Variants in PRELID2 observed in about 807,000 individuals in gnomAD.
PRELID2 encodes PRELI domain containing 2, also known as PRELI domain-containing protein 2.
PRELID2 carries 25 observed loss-of-function variants against 28.4 expected under a neutral mutation model. The ratio of observed to expected loss-of-function variants is 0.88; its 90% confidence interval spans 0.64 to 1.23. The LOEUF is 1.23. Ranked by LOEUF, PRELID2 falls within the 50% of genes most tolerant of loss-of-function variation. The pLI, the probability that PRELID2 is intolerant of heterozygous loss-of-function variation, is 0.00. For missense variants in PRELID2, 201 were observed against 214.4 expected (o/e 0.94, Z 0.39); for synonymous variants, 76 against 71.6 (o/e 1.06, Z -0.31).
chr5:145,545,567 C>T (rs1302182051), intron 1 of PRELID2, among the ~76,000 whole-genome samples: 1 of 152,106 alleles, frequency 6.6e-6, no homozygotes, highest in Non-Finnish European at 1.5e-5. Context: ...CATTCCTCCA[C>T]TCTTTTTTTG....
the PRELID2 span, among the ~76,000 whole-genome samples, chr5:145,337,686 A>AATATATATATATATATATAT: frequency 2.5e-5 from 2 of 79,868 alleles, no homozygotes; most frequent in African/African-American, 5.0e-5. Flanking sequence ...GCATAGGGCA[A>AATATATATATATATATATAT]ATATATATAT....
Position 145,766,956 on chromosome 5 carries a change from G to C in PRELID2, c.475-1956C>G, listed in dbSNP as rs927150550. On this transcript the variant is annotated intron_variant, in intron 5 of 6. Transcript: ENST00000683046. Reference sequence around the variant, plus strand: ...AAGTCTCAGGCCTGAGTCTGTATGTGTGTAACATACTTCATGTTGATAAGG... The same window carrying C: ...AAGTCTCAGGCCTGAGTCTGTATGTCTGTAACATACTTCATGTTGATAAGG... Among the ~76,000 whole-genome samples the C allele has an allele frequency of 4.8e-4, 73 of 152,156 alleles. 1 individual carries two copies.
chr5:145,752,741 G>C (rs58973199), downstream of PRELID2, among the ~76,000 whole-genome samples: 3,914 of 152,152 alleles, frequency 0.026, 137 homozygotes, highest in East Asian at 0.093. Context: ...TATATTTTGG[G>C]GTGATTCATT....
chr5:145,826,931 CA>C lies in PRELID2; in HGVS notation c.76-3798del, dbSNP rs1755232850. Among the ~76,000 whole-genome samples the C allele has an allele frequency of 2.6e-5, 4 of 152,236 alleles. No homozygotes were observed. In the South Asian group the frequency reaches 6.2e-4, roughly 24 times the overall value. ...TAAAATATGAACTTTCCAAAAAGCT[CA>C]AAAGCCAATGCCTTTTTTTAATAAC... On this transcript the variant is annotated intron_variant, in intron 1 of 6. Transcript: ENST00000683046.
intron 1 of PRELID2, among the ~76,000 whole-genome samples, chr5:145,567,759 C>T (rs1752980177): frequency 6.6e-6 from 1 of 152,076 alleles, no homozygotes; most frequent in South Asian, 2.1e-4. Flanking sequence ...TTCTTACTAC[C>T]CCTTTGCCTT....
At chr5:145,607,061 T>G (rs919654665) in intron 1 of PRELID2, among the ~76,000 whole-genome samples, 1 of 152,126 alleles carries the variant, frequency 6.6e-6, no homozygotes, top group Non-Finnish European at 1.5e-5. Flanking sequence ...TGAGAGATTT[T>G]TATATTTCTG....
the PRELID2 span, among the ~76,000 whole-genome samples, chr5:145,416,661 A>C: frequency 6.6e-6 from 1 of 152,170 alleles, no homozygotes; most frequent in Non-Finnish European, 1.5e-5. Context: ...ATTAAGAGGA[A>C]AATTTATAGC....
At chr5:145,392,898 A>G in the PRELID2 span, among the ~76,000 whole-genome samples, 113 of 152,292 alleles carry the variant, frequency 7.4e-4, no homozygotes, top group Admixed American at 1.7e-3. Flanking sequence ...TTGTCCAGTG[A>G]CATAGTCTGA....
intron 1 of PRELID2, among the ~76,000 whole-genome samples, chr5:145,564,760 A>C (rs1385831925): frequency 6.6e-6 from 1 of 152,222 alleles, no homozygotes; most frequent in Non-Finnish European, 1.5e-5. Flanking sequence ...TGGAAGAAAT[A>C]AATAAAAGAT....
chr5:145,278,320 G>C, the PRELID2 span, among the ~76,000 whole-genome samples: 1 of 152,160 alleles, frequency 6.6e-6, no homozygotes, highest in Non-Finnish European at 1.5e-5. Flanking sequence ...CTGTATATCA[G>C]TAGTCCAAGC....
chr5:145,245,485 T>C, the PRELID2 span, among the ~76,000 whole-genome samples: 2 of 151,938 alleles, frequency 1.3e-5, no homozygotes, highest in African/African-American at 4.8e-5. Context: ...TGTGAGAACT[T>C]TGACGTGGTT....
At chr5:145,503,910 C>A (rs1752382277) in intron 1 of PRELID2, among the ~76,000 whole-genome samples, 1 of 152,150 alleles carries the variant, frequency 6.6e-6, no homozygotes. Flanking sequence ...AAAGAAGGAA[C>A]TGGGAACCTC....
At chr5:145,307,734 A>G in the PRELID2 span, among the ~76,000 whole-genome samples, 20 of 152,088 alleles carry the variant, frequency 1.3e-4, no homozygotes, top group African/African-American at 4.6e-4. Flanking sequence ...AACAGCAGCC[A>G]TGTCTCCTTA....
At chr5:145,278,969 C>T in the PRELID2 span, among the ~76,000 whole-genome samples, 1 of 152,098 alleles carries the variant, frequency 6.6e-6, no homozygotes. Context: ...TGACCCCGAA[C>T]AAAAACACTG....
rs982820508 is a variant in PRELID2 at position 145,597,146 on chromosome 5, G to A, written n.71-123831C>T. 2.6e-4 allele frequency among the ~76,000 whole-genome samples: 39 copies of A among 152,120 alleles called. 1 individual carries two copies. The highest frequency in any genetic ancestry group is 4.4e-4 in the Non-Finnish European group (30 of 68,014). ...ATTAAATAACTGAATTTTTAGCAAA[G>A]ATTTCTAGATCTGAGAAAATTTATG... is the stretch of plus-strand genomic sequence containing the variant. On this transcript the variant is annotated intron_variant and non_coding_transcript_variant, in intron 1 of 2. Coordinates refer to the PRELID2 transcript ENST00000510259.
At chr5:145,354,281 T>G in the PRELID2 span, among the ~76,000 whole-genome samples, 1 of 152,276 alleles carries the variant, frequency 6.6e-6, no homozygotes, top group South Asian at 2.1e-4. Context: ...CCCACTGTGT[T>G]TCTCATAATA....
chr5:145,238,015 G>T, the PRELID2 span, among the ~76,000 whole-genome samples: 1 of 152,066 alleles, frequency 6.6e-6, no homozygotes, highest in Non-Finnish European at 1.5e-5. Flanking sequence ...ATTTCATGTG[G>T]TAATCAGGCA....
At chr5:145,483,558 G>A (rs1752185878) in intron 1 of PRELID2, among the ~76,000 whole-genome samples, 1 of 152,180 alleles carries the variant, frequency 6.6e-6, no homozygotes, top group Admixed American at 6.5e-5. Context: ...CTTTGGCTTG[G>A]TTATACAGCA....
chr5:145,276,201 C>T, the PRELID2 span, among the ~76,000 whole-genome samples: 11 of 152,098 alleles, frequency 7.2e-5, no homozygotes, highest in Non-Finnish European at 1.3e-4. Flanking sequence ...CTTTAAAAGA[C>T]CTTTTAAGCA....
Sources: allele counts gnomAD v4.1 joint callset (sites outside exome capture counted in the v4.1 genomes callset), GRCh38; gene constraint gnomAD v4.1.1; transcripts MANE v1.5; gene names NCBI Gene and HGNC (gene_info 2026-07-23, HGNC 2026-07-21).